The following SLC4A4 variants were observed in gnomAD, a reference collection of about 807,000 sequenced individuals.
SLC4A4 encodes the protein electrogenic sodium bicarbonate cotransporter 1.
In SLC4A4, 27 loss-of-function variants were observed where a neutral mutation model predicts 111.5. That is an observed-to-expected ratio of 0.24 (90% CI 0.18 to 0.33). The LOEUF (loss-of-function observed/expected upper bound fraction) is 0.33, where lower values mean the gene tolerates loss of function less well. Among genes scored for constraint, SLC4A4 ranks in the 10% least tolerant of loss-of-function variants. The pLI is 1.00. For synonymous variants in SLC4A4, 443 were observed against 463.4 expected, an observed-to-expected ratio of 0.96 and a Z score of 0.57; for missense variants, 909 against 1,315.5, an observed-to-expected ratio of 0.69 and a Z score of 4.78.
chr4:71,547,535 T>C, intron 19 of SLC4A4, 113 bp from the exon 20 acceptor site: 1 of 847,248 alleles, frequency 1.2e-6, no homozygotes, highest in Non-Finnish European at 2.1e-6. Flanking sequence ...AACACCTTTG[T>C]TGTTTTAGCC....
rs532861229 is a variant in SLC4A4, at chr4:71,436,722, T to C, written c.808-3894T>C. ...GGATTTCTAGATTCATTTAATTGCT[T>C]AATGACTTAGAGATAATTAATTCTC... On this transcript the variant is annotated intron_variant, in intron 7 of 25. Coordinates refer to ENST00000264485, the MANE Select transcript of SLC4A4 (RefSeq NM_001098484.3). Among the ~76,000 whole-genome samples the C allele has an allele frequency of 4.6e-5, 7 of 152,338 alleles. No homozygotes were observed. The South Asian group carries it at 1.4e-3, about 32-fold the overall frequency.
chr4:71,345,568 C>G (rs190354259), intron 4 of SLC4A4, among the ~76,000 whole-genome samples: 1 of 152,072 alleles, frequency 6.6e-6, no homozygotes, highest in Non-Finnish European at 1.5e-5. Context: ...TTACTTCCAA[C>G]TGGACACCAC....
At chr4:71,405,682 T>C (rs906104236) in intron 7 of SLC4A4, among the ~76,000 whole-genome samples, 1 of 152,206 alleles carries the variant, frequency 6.6e-6, no homozygotes, top group African/African-American at 2.4e-5. Flanking sequence ...TTAAACACTT[T>C]ATTGAATCCG....
chr4:71,325,335 G>C (rs1560411207), intron 3 of SLC4A4, among the ~76,000 whole-genome samples: 2 of 151,968 alleles, frequency 1.3e-5, no homozygotes, highest in Admixed American at 6.6e-5. Flanking sequence ...GGAATAATAG[G>C]AGGGTATATC....
chr4:71,554,006 A>T (rs1285051070), intron 20 of SLC4A4, among the ~76,000 whole-genome samples: 1 of 151,912 alleles, frequency 6.6e-6, no homozygotes, highest in Non-Finnish European at 1.5e-5. Flanking sequence ...AAATTTAAGC[A>T]TCCCTATGGC....
chr4:71,255,713 G>A (rs1408592241), intron 3 of SLC4A4, among the ~76,000 whole-genome samples: 9 of 152,150 alleles, frequency 5.9e-5, no homozygotes, highest in Non-Finnish European at 1.3e-4. Flanking sequence ...ACAGTAACTG[G>A]AAGACTCTTA....
chr4:71,555,298 C>T, intron 21 of SLC4A4, 90 bp downstream of exon 21: 1 of 862,868 alleles, frequency 1.2e-6, no homozygotes, highest in South Asian at 1.3e-5. Flanking sequence ...AAGTGCTAAT[C>T]ATTATTAACT....
At chr4:71,359,026 T>C (rs1730529534) in intron 6 of SLC4A4, among the ~76,000 whole-genome samples, 1 of 152,220 alleles carries the variant, frequency 6.6e-6, no homozygotes, top group Non-Finnish European at 1.5e-5. Flanking sequence ...GAATATGGCA[T>C]GCAGGAGGCT....
intron 2 of SLC4A4, among the ~76,000 whole-genome samples, chr4:71,117,249 G>C (rs1178786401): frequency 6.6e-6 from 1 of 152,080 alleles, no homozygotes; most frequent in Admixed American, 6.6e-5. Context: ...CTAAAGTGCT[G>C]GGATGATAGG....
chr4:71,483,021 AG>A (rs1277327139), intron 14 of SLC4A4, among the ~76,000 whole-genome samples: 1 of 151,638 alleles, frequency 6.6e-6, no homozygotes, highest in Non-Finnish European at 1.5e-5. Flanking sequence ...GAAGAAATAC[AG>A]TGTAAGAAAA....
At chr4:71,099,557 C>T (rs1742655417) in intron 2 of SLC4A4, among the ~76,000 whole-genome samples, 1 of 151,946 alleles carries the variant, frequency 6.6e-6, no homozygotes, top group African/African-American at 2.4e-5. Context: ...CAAACCAACC[C>T]CAATGCTAGC....
intron 6 of SLC4A4, among the ~76,000 whole-genome samples, chr4:71,393,442 G>T (rs2085940927): frequency 6.6e-6 from 1 of 151,990 alleles, no homozygotes; most frequent in Non-Finnish European, 1.5e-5. Context: ...AAATACTTAG[G>T]AATATACCTA....
rs138294050 is a variant in SLC4A4 at position 71,408,488 on chromosome 4, T to G, written c.807+10835T>G. Among the ~76,000 whole-genome samples the G allele has an allele frequency of 3.5e-4, 53 of 152,326 alleles. No homozygotes were observed. In the East Asian group the frequency reaches 0.01, roughly 29 times the overall value. ...GCAGTAAGATTTGGTGGGATGAAAGTCCATTTCATTTAGGTATCATTCCTT... is the reference window on the plus strand; with the variant it reads ...GCAGTAAGATTTGGTGGGATGAAAGGCCATTTCATTTAGGTATCATTCCTT... On this transcript the variant is annotated intron_variant, in intron 7 of 25. Coordinates refer to ENST00000264485, the MANE Select transcript of SLC4A4 (RefSeq NM_001098484.3).
At chr4:71,315,793 A>G (rs925853517) in intron 3 of SLC4A4, among the ~76,000 whole-genome samples, 1 of 152,208 alleles carries the variant, frequency 6.6e-6, no homozygotes, top group African/African-American at 2.4e-5. Context: ...AAGAACACAC[A>G]CATTATACTA....
intron 6 of SLC4A4, among the ~76,000 whole-genome samples, chr4:71,378,352 G>GA (rs1717736046): frequency 6.6e-6 from 1 of 152,176 alleles, no homozygotes; most frequent in South Asian, 2.1e-4. Flanking sequence ...AGTTATGGAA[G>GA]GCCACTGTGC....
intron 16 of SLC4A4, among the ~76,000 whole-genome samples, chr4:71,524,256 A>T (rs1363956161): frequency 6.6e-6 from 1 of 152,134 alleles, no homozygotes; most frequent in African/African-American, 2.4e-5. Context: ...AGAAGATAGT[A>T]ACCAGATTGA....
intron 4 of SLC4A4, among the ~76,000 whole-genome samples, chr4:71,344,070 G>T (rs759714805): frequency 6.6e-6 from 1 of 151,940 alleles, no homozygotes; most frequent in Non-Finnish European, 1.5e-5. Context: ...CTTAGCACCT[G>T]TCATCATTTA....
At chr4:71,257,106 C>T (rs1721509297) in intron 3 of SLC4A4, among the ~76,000 whole-genome samples, 1 of 152,142 alleles carries the variant, frequency 6.6e-6, no homozygotes, top group African/African-American at 2.4e-5. Context: ...GATGCTGAGA[C>T]CGCATGTGTA....
At chr4:71,557,243 C>G (rs1328985240) in intron 21 of SLC4A4, among the ~76,000 whole-genome samples, 1 of 151,862 alleles carries the variant, frequency 6.6e-6, no homozygotes, top group Non-Finnish European at 1.5e-5. Context: ...TTGGATACTT[C>G]CTTTATATCC....
Sources: allele counts gnomAD v4.1 joint callset (sites outside exome capture counted in the v4.1 genomes callset), GRCh38; gene constraint gnomAD v4.1.1; transcripts MANE v1.5; gene names NCBI Gene and HGNC (gene_info 2026-07-23, HGNC 2026-07-21).